NOCT: variants seen among roughly 807,000 people sequenced by gnomAD.
The protein encoded by NOCT is nocturnin, also known as CCR4 carbon catabolite repression 4-like.
Under a neutral mutation model 35.0 loss-of-function variants are expected in NOCT, and 18 were observed. That is an observed-to-expected ratio of 0.51 (90% confidence interval 0.36 to 0.76). The LOEUF is 0.76. NOCT is among the 30% of genes least tolerant of loss of function. NOCT has a pLI of 0.01. For missense variants in NOCT, 479 were observed against 541.0 expected (o/e 0.89, Z 1.14); for synonymous variants, 235 against 226.3 (o/e 1.04, Z -0.34).
intron 1 of NOCT, among the ~76,000 whole-genome samples, chr4:139,023,269 G>A (rs893204622): frequency 6.6e-6 from 1 of 152,100 alleles, no homozygotes; most frequent in African/African-American, 2.4e-5. Flanking sequence ...TCTGTTTGCC[G>A]ATCTGCAAAT....
At chr4:139,040,740 T>C (rs1220373466) in intron 1 of NOCT, among the ~76,000 whole-genome samples, 1 of 152,190 alleles carries the variant, frequency 6.6e-6, no homozygotes, top group African/African-American at 2.4e-5. Context: ...ATTTAAAATA[T>C]AAAATATACC....
At chr4:139,026,256 C>T (rs1726512517) in intron 1 of NOCT, among the ~76,000 whole-genome samples, 2 of 152,094 alleles carry the variant, frequency 1.3e-5, no homozygotes, top group East Asian at 1.9e-4. Flanking sequence ...CATGCGCTAC[C>T]ACGCCCAGCT....
rs10541748 is a variant in NOCT, at chr4:139,016,641, GTTTTTTTTTTTTTTTTT to G, written c.190+484_190+500del. Among the ~76,000 whole-genome samples the G allele has an allele frequency of 5.4e-4, 29 of 53,806 alleles. 1 individual carries two copies. Among genetic ancestry groups the G allele is most frequent in the African/African-American group, 2.1e-3 (27 of 13,094 alleles). 35.3% of individuals were successfully genotyped at this position (53,806 alleles called of 152,430 possible). A position where few individuals can be genotyped will look rare whatever the true frequency, so the allele number is the denominator to read the frequency against. ...ATAACACATTGATTCGTTTTACGTT[GTTTTTTTTTTTTTTTTT>G]TTTTTTTTTTTTTGAGATGGAGTCT... On this transcript the variant is annotated intron_variant, in intron 1 of 2. Coordinates refer to ENST00000280614, the MANE Select transcript of NOCT (RefSeq NM_012118.4).
At chr4:139,026,528 CATT>C (rs1461180431) in intron 1 of NOCT, among the ~76,000 whole-genome samples, 1 of 151,036 alleles carries the variant, frequency 6.6e-6, no homozygotes, top group Non-Finnish European at 1.5e-5. Flanking sequence ...ATGTTTGGCT[CATT>C]ATTTAAAAAT....
At chr4:139,023,849 A>G (rs1404287159) in intron 1 of NOCT, among the ~76,000 whole-genome samples, 1 of 152,106 alleles carries the variant, frequency 6.6e-6, no homozygotes, top group Non-Finnish European at 1.5e-5. Flanking sequence ...AGCTTACAAG[A>G]TTTCCTTATC....
At chr4:139,026,321 G>A (rs1037633910) in intron 1 of NOCT, among the ~76,000 whole-genome samples, 2 of 152,008 alleles carry the variant, frequency 1.3e-5, no homozygotes, top group Non-Finnish European at 2.9e-5. Flanking sequence ...GGCTGGTCTC[G>A]AACTCCTGAC....
chr4:139,045,508 TA>T lies in NOCT; in HGVS notation c.*35del, dbSNP rs1345982083. On this transcript the variant is annotated 3_prime_UTR_variant, in exon 3 of 3. Transcript: ENST00000280614. The stretch of plus-strand genomic sequence containing the variant: ...TTTTGTCTTTTTAATCACAGGAGTC[TA>T]TTTTTTTTTTTTTTTTTTTTTTTTT... 2.3e-5 allele frequency: 20 copies of T among 857,050 alleles called. No individual in the cohort carries two copies. Among genetic ancestry groups the T allele is most frequent in the South Asian group, 5.8e-5 (3 of 51,764 alleles). 53.1% of individuals were successfully genotyped at this position (857,050 alleles called of 1,614,324 possible).
intron 1 of NOCT, among the ~76,000 whole-genome samples, chr4:139,036,449 G>T (rs1422160842): frequency 6.6e-6 from 1 of 152,182 alleles, no homozygotes; most frequent in Non-Finnish European, 1.5e-5. Flanking sequence ...TCTGTGGTTT[G>T]AATGGGGCAG....
chr4:139,027,264 T>C (rs2148643665), intron 1 of NOCT, among the ~76,000 whole-genome samples: 1 of 151,480 alleles, frequency 6.6e-6, no homozygotes, highest in African/African-American at 2.4e-5. Context: ...AGGCTCAGCC[T>C]CCTGGGCTCA....
chr4:139,042,840 G>A (rs890027043), intron 1 of NOCT, among the ~76,000 whole-genome samples: 1 of 151,968 alleles, frequency 6.6e-6, no homozygotes, highest in Non-Finnish European at 1.5e-5. Flanking sequence ...GCTTGAACCT[G>A]GGGGTGGAGG....
chr4:139,042,239 TTA>T (rs912620803), intron 1 of NOCT, among the ~76,000 whole-genome samples: 1 of 151,874 alleles, frequency 6.6e-6, no homozygotes, highest in African/African-American at 2.4e-5. Flanking sequence ...GGCTAATTTT[TTA>T]TGTTTTTGGT....
chr4:139,029,495 C>G (rs1482682835), intron 1 of NOCT, among the ~76,000 whole-genome samples: 1 of 152,222 alleles, frequency 6.6e-6, no homozygotes, highest in Non-Finnish European at 1.5e-5. Flanking sequence ...TCGAGGCAGG[C>G]CTGTCATATT....
intron 1 of NOCT, among the ~76,000 whole-genome samples, chr4:139,032,624 C>T (rs1047674034): frequency 6.6e-6 from 1 of 152,150 alleles, no homozygotes; most frequent in African/African-American, 2.4e-5. Flanking sequence ...AGACCTGAAG[C>T]CAATTTGAGT....
chr4:139,036,396 C>T (rs1726739432), intron 1 of NOCT, among the ~76,000 whole-genome samples: 1 of 152,090 alleles, frequency 6.6e-6, no homozygotes, highest in Non-Finnish European at 1.5e-5. Context: ...TGCCTGGCTC[C>T]AACTCAAAGA....
intron 2 of NOCT, 177 bp downstream of exon 2, chr4:139,043,520 CTT>C (rs200273114): frequency 5.1e-3 from 2,306 of 452,562 alleles, no homozygotes; most frequent in South Asian, 8.3e-3. Context: ...CTGGTTTTCA[CTT>C]TTTTTTTTTT....
At chr4:139,040,869 G>GT (rs915001300) in intron 1 of NOCT, among the ~76,000 whole-genome samples, 1 of 151,674 alleles carries the variant, frequency 6.6e-6, no homozygotes, top group Non-Finnish European at 1.5e-5. Context: ...ATGTTTGGCT[G>GT]TTTTTTGTTT....
chr4:139,026,868 T>C (rs1207447841), intron 1 of NOCT, among the ~76,000 whole-genome samples: 4 of 2,662 alleles, frequency 1.5e-3, no homozygotes, highest in African/African-American at 2.8e-3. Context: ...TTTTCTTTTT[T>C]TTTTTTTTTT....
At chr4:139,024,752 TG>T (rs1294722446) in intron 1 of NOCT, among the ~76,000 whole-genome samples, 1 of 152,118 alleles carries the variant, frequency 6.6e-6, no homozygotes, top group African/African-American at 2.4e-5. Flanking sequence ...CCATCATGCC[TG>T]GCCCAGTAAT....
rs546346607 is a variant in NOCT at position 139,045,509 on chromosome 4, A to ATTTTTTTTTTT, written c.*50_*60dup. The stretch of plus-strand genomic sequence containing the variant: ...TTTGTCTTTTTAATCACAGGAGTCT[A>ATTTTTTTTTTT]TTTTTTTTTTTTTTTTTTTTTTTTT... On this transcript the variant is annotated 3_prime_UTR_variant, in exon 3 of 3. Coordinates refer to ENST00000280614, the MANE Select transcript of NOCT (RefSeq NM_012118.4). 4.2e-5 allele frequency: 16 copies of ATTTTTTTTTTT among 379,730 alleles called. 2 individuals are homozygous for ATTTTTTTTTTT. Among genetic ancestry groups the ATTTTTTTTTTT allele is most frequent in the African/African-American group, 7.0e-5 (2 of 28,402 alleles). 23.5% of individuals were successfully genotyped at this position (379,730 alleles called of 1,614,324 possible).
Sources: gnomAD v4.1 joint callset for allele counts (sites outside exome capture counted in the v4.1 genomes callset) on GRCh38, gnomAD v4.1.1 for gene constraint, MANE v1.5 for transcripts, NCBI Gene and HGNC (gene_info 2026-07-23, HGNC 2026-07-21) for gene names.